ARSF: variants seen among roughly 807,000 people sequenced by gnomAD.
The protein encoded by ARSF is arylsulfatase F.
A neutral mutation model predicts 35.4 loss-of-function variants in ARSF; 33 were observed. The observed-to-expected ratio is 0.93, with a 90% CI of 0.71 to 1.25. The LOEUF (loss-of-function observed/expected upper bound fraction) is 1.25, where lower values mean the gene tolerates loss of function less well. ARSF is among the 50% of genes most tolerant of loss of function. The pLI is 0.00. For missense variants in ARSF, 501 were observed against 480.2 expected (o/e 1.04, Z -0.40); for synonymous variants, 222 against 193.1 (o/e 1.15, Z -1.24).
intron 4 of ARSF, among the ~76,000 whole-genome samples, chrX:3,080,247 G>A (rs1269830067): frequency 1.0e-4 from 6 of 58,726 alleles, no homozygotes; most frequent in African/African-American, 3.1e-4. Flanking sequence ...AGGCCAAGGC[G>A]GGCAGATCAT....
At chrX:3,045,835 A>T (rs1271587601) in intron 1 of ARSF, among the ~76,000 whole-genome samples, 40 of 104,933 alleles carry the variant, frequency 3.8e-4, no homozygotes, top group Admixed American at 9.3e-4. Flanking sequence ...ATGCAGATGG[A>T]CTCTTTACCT....
In ARSF at chrX:3,074,698, C is replaced by G. The variant is rs1025377388; in HGVS notation, c.162-1850C>G. On this transcript the variant is annotated intron_variant, in intron 3 of 10. Coordinates refer to ENST00000381127, the MANE Select transcript of ARSF (RefSeq NM_001201539.2). ...GTGGTGAAAATGGTGAAAATTATAGCAATTTCAAGAATAGAATACATTGTT... is the reference window on the plus strand; with the variant it reads ...GTGGTGAAAATGGTGAAAATTATAGGAATTTCAAGAATAGAATACATTGTT... Among the ~76,000 whole-genome samples, 12 of 111,303 alleles carry G rather than the reference C, an allele frequency of 1.1e-4. No homozygotes were observed. In the Admixed American group the frequency reaches 1.2e-3, roughly 11 times the overall value.
chrX:3,089,421 TGAG>T, intron 6 of ARSF, 72 bp from the exon 7 acceptor site: 1 of 1,129,340 alleles, frequency 8.9e-7, no homozygotes, highest in Non-Finnish European at 1.2e-6. Flanking sequence ...GTCATGTCTA[TGAG>T]AAGCCAAAAC....
chrX:3,083,536 A>T (rs1446140699), intron 5 of ARSF, among the ~76,000 whole-genome samples: 1 of 108,469 alleles, frequency 9.2e-6, no homozygotes, highest in African/African-American at 3.4e-5. Flanking sequence ...CTATCCATCC[A>T]TCCATCCATC....
At chrX:3,057,404 C>T (rs887451275) in intron 1 of ARSF, among the ~76,000 whole-genome samples, 3 of 111,205 alleles carry the variant, frequency 2.7e-5, no homozygotes, top group African/African-American at 6.5e-5. Context: ...GATTCTCTTT[C>T]GGTGAGATGG....
chrX:3,059,435 G>GGACT (rs1569132823), intron 1 of ARSF, among the ~76,000 whole-genome samples: 1 of 112,217 alleles, frequency 8.9e-6, no homozygotes, highest in Non-Finnish European at 1.9e-5. Flanking sequence ...CATCTAATTG[G>GGACT]GACTGGTTGG....
chrX:3,072,409 G>T (rs770198244), intron 3 of ARSF, among the ~76,000 whole-genome samples: 3 of 111,329 alleles, frequency 2.7e-5, no homozygotes, highest in African/African-American at 9.8e-5. Flanking sequence ...AATAATAATT[G>T]TCCATCTTCA....
chrX:3,112,268 A>G lies in ARSF; in HGVS notation c.1485A>G (p.Gly495=). Residue 495 remains glycine (G), a synonymous_variant, in exon 11 of 11, where the codon GGA becomes GGG. Coordinates refer to ENST00000381127, the MANE Select transcript of ARSF (RefSeq NM_001201539.2). ...TCACCTCATTATGCAGATGTTTCGG[A>G]GAACAGGTTACCTACCACAACCCCC... The part of the protein sequence containing the change: ...CYVTSLCRCF[G]EQVTYHNPPL... 1 of 1,210,661 alleles carries G rather than the reference A, an allele frequency of 8.3e-7. No homozygotes were observed. The highest frequency in any genetic ancestry group is 1.1e-6 in the Non-Finnish European group (1 of 895,026).
chrX:3,055,365 A>AAAAAAAAAAAAAC (rs2090014011), intron 1 of ARSF, among the ~76,000 whole-genome samples: 1 of 106,546 alleles, frequency 9.4e-6, no homozygotes, highest in African/African-American at 3.4e-5. Flanking sequence ...AAAAAAAAAA[A>AAAAAAAAAAAAAC]TCTAATATTG....
At chrX:3,104,074 C>A in intron 9 of ARSF, 150 bp downstream of exon 9, 1 of 515,194 alleles carries the variant, frequency 1.9e-6, no homozygotes, top group Non-Finnish European at 3.1e-6. Context: ...TGTGTCTATT[C>A]AGCATTTTTC....
chrX:3,098,756 A>G (rs975368718), intron 7 of ARSF, among the ~76,000 whole-genome samples: 1 of 111,487 alleles, frequency 9.0e-6, no homozygotes, highest in African/African-American at 3.3e-5. Context: ...ACAGTATGTA[A>G]CAATTTTTTT....
intron 7 of ARSF, among the ~76,000 whole-genome samples, chrX:3,100,227 A>G (rs190359795): frequency 9.8e-5 from 11 of 112,408 alleles, no homozygotes; most frequent in Admixed American, 9.4e-4. Flanking sequence ...ACTTATCTAA[A>G]TCATCTGCAA....
chrX:3,047,805 C>A (rs2089981470), intron 1 of ARSF, among the ~76,000 whole-genome samples: 1 of 110,474 alleles, frequency 9.1e-6, no homozygotes, highest in Non-Finnish European at 1.9e-5. Flanking sequence ...TGCCCATTAC[C>A]CAATGTATTA....
In ARSF at chrX:3,054,443, A is replaced by AATT. The variant is rs200643115; in HGVS notation, c.-29+12797_-29+12799dup. On this transcript the variant is annotated intron_variant, in intron 1 of 10. Coordinates refer to ENST00000381127, the MANE Select transcript of ARSF (RefSeq NM_001201539.2). ...TTTGCAGCCTACAATCAGCCTCCTC[A>AATT]ATTATTATTATTATTATTAATTGTT... is the stretch of plus-strand genomic sequence containing the variant. 1.5e-4 allele frequency among the ~76,000 whole-genome samples: 16 copies of AATT among 109,685 alleles called. No homozygotes were observed. In the East Asian group the frequency reaches 2.6e-3, roughly 18 times the overall value.
At chrX:3,043,229 T>A (rs1406034278) in intron 1 of ARSF, among the ~76,000 whole-genome samples, 2 of 111,907 alleles carry the variant, frequency 1.8e-5, no homozygotes, top group Non-Finnish European at 3.8e-5. Flanking sequence ...TAATTTTGTA[T>A]GAGAAAGAAT....
chrX:3,096,104 ATAAT>A (rs753401129), intron 7 of ARSF, among the ~76,000 whole-genome samples: 97 of 108,604 alleles, frequency 8.9e-4, no homozygotes, highest in African/African-American at 3.2e-3. Context: ...GTCCAATAGT[ATAAT>A]TAGTTACATT....
At chrX:3,043,834 C>T (rs1304085488) in intron 1 of ARSF, among the ~76,000 whole-genome samples, 9 of 111,101 alleles carry the variant, frequency 8.1e-5, no homozygotes, top group Non-Finnish European at 1.1e-4. Context: ...CAGGCTGGAG[C>T]GCAGTGGTGT....
At position 3,072,032 on chromosome X, in the gene ARSF, C is replaced by G. The variant is rs150668857; in HGVS notation, c.18C>G (p.Pro6=). The G allele has an allele frequency of 0.01, 12,049 of 1,201,073 alleles. 50 individuals are homozygous for G. Among genetic ancestry groups the G allele is most frequent in the Non-Finnish European group, 0.012 (10,765 of 893,415 alleles). The part of the protein sequence containing the change: MRPRR[P]LVFMSLVCAL... ...ATCCCTGCTTGCTTTCCAGGAGACC[C>G]TTGGTCTTCATGTCTTTGGTGTGTG... The change falls in exon 3 of 11, where the codon CCC becomes CCG. Residue 6 remains proline, a synonymous_variant. Transcript: ENST00000381127.
At chrX:3,055,040 T>G (rs1225520820) in intron 1 of ARSF, among the ~76,000 whole-genome samples, 1 of 105,752 alleles carries the variant, frequency 9.5e-6, no homozygotes, top group Non-Finnish European at 1.9e-5. Flanking sequence ...CAGCCAAAAC[T>G]GCACTTAAAA....
Sources: allele counts gnomAD v4.1 joint callset (sites outside exome capture counted in the v4.1 genomes callset), GRCh38; gene constraint gnomAD v4.1.1; transcripts MANE v1.5; gene names NCBI Gene and HGNC (gene_info 2026-07-23, HGNC 2026-07-21).